HPS3: variants seen among roughly 807,000 people sequenced by gnomAD.
HPS3 encodes the protein HPS3 biogenesis of lysosomal organelles complex 2 subunit 1.
A neutral mutation model predicts 110.9 loss-of-function variants in HPS3; 79 were observed. The ratio of observed to expected loss-of-function variants is 0.71; its 90% CI spans 0.59 to 0.86. The LOEUF (loss-of-function observed/expected upper bound fraction) is 0.86. Ranked by LOEUF, HPS3 falls within the 40% of genes least tolerant of loss-of-function variation. The pLI, the probability that HPS3 is intolerant of heterozygous loss-of-function variation, is 0.00. For synonymous variants in HPS3, 428 were observed against 451.0 expected (o/e 0.95, Z 0.65); for missense variants, 1,197 against 1,206.2 (o/e 0.99, Z 0.11).
chr3:149,140,064 A>G lies in HPS3; in HGVS notation c.278A>G (p.Asn93Ser). The G allele has an allele frequency of 6.2e-7, 1 of 1,612,928 alleles. No individual in the cohort carries two copies. Residue 93 changes from asparagine (N) to serine (S), a missense_variant, in exon 2 of 17, where the codon AAC (asparagine) becomes AGC (serine). Asn to Ser is a conservative substitution (Grantham distance 46). Transcript: ENST00000296051. ...GCTACATTTCTACGTGCTTATGTGAACTGGAGAAATAAAAGGACTGAAAAC... is the reference window on the plus strand; with the variant it reads ...GCTACATTTCTACGTGCTTATGTGAGCTGGAGAAATAAAAGGACTGAAAAC... ...NKATFLRAYV[N>S]WRNKRTENSR...
At chr3:149,130,111 C>G (rs1721667600) in intron 1 of HPS3, 171 bp downstream of exon 1, 1 of 643,516 alleles carries the variant, frequency 1.6e-6, no homozygotes. Context: ...TCGCATTGAG[C>G]TATGCGGTTG....
intron 1 of HPS3, among the ~76,000 whole-genome samples, chr3:149,136,619 A>G (rs893384698): frequency 2.0e-5 from 3 of 152,148 alleles, no homozygotes; most frequent in African/African-American, 7.2e-5. Context: ...CAGATTCCTG[A>G]TGTATAAAAT....
intron 9 of HPS3, 55 bp downstream of exon 9, chr3:149,157,586 A>C (rs1407757841): frequency 8.6e-6 from 13 of 1,519,046 alleles, no homozygotes; most frequent in Admixed American, 1.7e-5. Flanking sequence ...CTTTGGGTAC[A>C]CTTGTTAGCT....
At position 149,140,494 on chromosome 3, in the gene HPS3, A is replaced by G; in HGVS notation, c.708A>G (p.Glu236=). The G allele has an allele frequency of 6.2e-7, 1 of 1,614,170 alleles. No individual in the cohort carries two copies. Among genetic ancestry groups the G allele is most frequent in the East Asian group, 2.2e-5 (1 of 44,880 alleles). The stretch of plus-strand genomic sequence containing the variant: ...CCAACAATCGAATAAGACGGACAGA[A>G]GAAGGTAAATAATGAATTTGACTTG... ...HKTNNRIRRT[E]EGISNEISQL... is the part of the protein sequence containing the mutation. Residue 236 remains glutamate, a synonymous_variant, in exon 2 of 17, where the codon GAA becomes GAG. Transcript: ENST00000296051.
rs762132592 is a variant in HPS3, at chr3:149,129,913, G to T, written c.190G>T (p.Val64Leu). The part of the protein sequence containing the change: ...PRCAFSTLGR[V>L]LRLAYSEAGD... ...GTGCGCCTTCTCCACGCTGGGCCGG[G>T]TGTTGCGCCTGGCCTACAGCGAGGC... Residue 64 changes from valine to leucine, a missense_variant, in exon 1 of 17, where the codon GTG becomes TTG. Transcript: ENST00000296051. 3 of 1,565,884 alleles carry T rather than the reference G, an allele frequency of 1.9e-6. No individual in the cohort carries two copies. In the East Asian group the frequency reaches 7.1e-5, roughly 37 times the overall value.
chr3:149,168,114 T>A, intron 16 of HPS3, 131 bp downstream of exon 16: 1 of 665,958 alleles, frequency 1.5e-6, no homozygotes, highest in South Asian at 1.7e-5. Context: ...GGGGAGCTTA[T>A]TTTCAGCATT....
chr3:149,163,986 T>C, intron 14 of HPS3, 37 bp downstream of exon 14: 1 of 1,009,690 alleles, frequency 9.9e-7, no homozygotes, highest in Non-Finnish European at 1.6e-6. Context: ...TGAAATTGCA[T>C]ATTACAATAT....
intron 8 of HPS3, among the ~76,000 whole-genome samples, chr3:149,156,780 C>T (rs73866983): frequency 0.022 from 3,414 of 152,024 alleles, 148 homozygotes; most frequent in African/African-American, 0.078. Context: ...ATTAGCTGTG[C>T]CCTGTCTTTT....
At chr3:149,157,315 C>G in intron 8 of HPS3, 35 bp from the exon 9 acceptor site, 1 of 1,579,780 alleles carries the variant, frequency 6.3e-7, no homozygotes, top group Non-Finnish European at 8.7e-7. Flanking sequence ...GAGAGTCTCT[C>G]TTCAGCAACA....
intron 1 of HPS3, chr3:149,130,285 A>AG: frequency 2.7e-6 from 1 of 376,658 alleles, no homozygotes; most frequent in Non-Finnish European, 4.9e-6. Context: ...TCAAAGACTT[A>AG]CCAAAAAAAC....
chr3:149,153,863 A>T, intron 7 of HPS3: 1 of 584,534 alleles, frequency 1.7e-6, no homozygotes. Context: ...TGGATTATAA[A>T]ATAGTTTCAG....
At position 149,141,349 on chromosome 3, in the gene HPS3, T is replaced by C. The variant is rs570886288; in HGVS notation, c.939T>C (p.His313=). 22 of 1,613,530 alleles carry C rather than the reference T, an allele frequency of 1.4e-5. No homozygotes were observed. In the East Asian group the frequency reaches 4.0e-4, roughly 29 times the overall value. Residue 313 remains histidine, a synonymous_variant, in exon 4 of 17, where the codon CAT becomes CAC. Transcript: ENST00000296051. The part of the protein sequence containing the change: ...SYVLSDDIKL[H]SLQLLPIYQT... ...TCTTGTCTGATGACATCAAGCTACA[T>C]TCCCTCCAGCTGCTACCCATTTACC...
chr3:149,136,496 A>G (rs1722106091), intron 1 of HPS3, among the ~76,000 whole-genome samples: 1 of 152,180 alleles, frequency 6.6e-6, no homozygotes, highest in Admixed American at 6.5e-5. Flanking sequence ...GGGAAACAGC[A>G]TTACTGGGCA....
chr3:149,145,514 A>C lies in HPS3; in HGVS notation c.1131A>C (p.Val377=). 3 of 1,614,086 alleles carry C rather than the reference A, an allele frequency of 1.9e-6. No individual in the cohort carries two copies. Among genetic ancestry groups the C allele is most frequent in the Non-Finnish European group, 2.5e-6 (3 of 1,179,998 alleles). The part of the protein sequence containing the change: ...YQYPEKSQQA[V]LTPQFLHVIT... ...ATCCTGAAAAGTCTCAGCAGGCAGT[A>C]CTCACGCCACAATTTTTGCACGTCA... Residue 377 remains valine, a synonymous_variant, in exon 5 of 17, where the codon GTA becomes GTC. Transcript: ENST00000296051.
chr3:149,140,196 T>TG lies in HPS3; in HGVS notation c.411dup (p.Cys138ValfsTer18). The stretch of plus-strand genomic sequence containing the variant: ...GAAATGCCGCTTTCGGAGGCCCCCT[T>TG]GTGCATTTCCTGTTGCCCTGTGAAA... On this transcript the variant is annotated frameshift_variant, in exon 2 of 17. Transcript: ENST00000296051. LOFTEE classifies it high-confidence loss of function. 6.2e-7 allele frequency: 1 copy of TG among 1,614,232 alleles called. No homozygotes were observed. The highest frequency in any genetic ancestry group is 8.5e-7 in the Non-Finnish European group (1 of 1,180,036).
At chr3:149,134,709 C>T (rs1721980059) in intron 1 of HPS3, among the ~76,000 whole-genome samples, 1 of 152,102 alleles carries the variant, frequency 6.6e-6, no homozygotes, top group Non-Finnish European at 1.5e-5. Flanking sequence ...CTGCAGGAGG[C>T]CATGAGTAGC....
In HPS3 at chr3:149,157,511, C is replaced by G. The variant is rs758952091; in HGVS notation, c.1671C>G (p.His557Gln). 1 of 1,613,720 alleles carries G rather than the reference C, an allele frequency of 6.2e-7. No homozygotes were observed. Among genetic ancestry groups the G allele is most frequent in the Admixed American group, 1.7e-5 (1 of 59,958 alleles). ...LLEAFKESCG[H>Q]LGDCYSRLDS... ...AAGCATTTAAGGAAAGCTGTGGGCA[C>G]CTTGGGGACTGTTACAGCAGGTGGG... The change falls in exon 9 of 17, where the codon CAC becomes CAG. Residue 557 changes from histidine to glutamine, a missense_variant. Coordinates refer to ENST00000296051, the MANE Select transcript of HPS3 (RefSeq NM_032383.5).
intron 1 of HPS3, among the ~76,000 whole-genome samples, chr3:149,130,860 A>G (rs183604207): frequency 2.0e-5 from 3 of 152,334 alleles, no homozygotes; most frequent in East Asian, 1.9e-4. Context: ...GGTGAATCCT[A>G]TTTTAGAAAA....
intron 1 of HPS3, among the ~76,000 whole-genome samples, chr3:149,139,403 A>AG (rs1009569373): frequency 5.3e-5 from 8 of 152,192 alleles, no homozygotes; most frequent in African/African-American, 1.9e-4. Flanking sequence ...TGGGTCCTCA[A>AG]GGGGGAGATC....
Sources: gnomAD v4.1 joint callset for allele counts (sites outside exome capture counted in the v4.1 genomes callset) on GRCh38, gnomAD v4.1.1 for gene constraint, MANE v1.5 for transcripts, NCBI Gene and HGNC (gene_info 2026-07-23, HGNC 2026-07-21) for gene names.